Variants in UVRAG observed in about 807,000 individuals in gnomAD.
UVRAG encodes UV radiation resistance associated, also known as UV radiation resistance-associated gene protein.
UVRAG carries 19 observed loss-of-function variants against 78.0 expected under a neutral mutation model. The observed-to-expected ratio is 0.24, with a 90% CI of 0.17 to 0.36. UVRAG has a LOEUF of 0.36. Ranked by LOEUF, UVRAG falls within the 10% of genes least tolerant of loss-of-function variation. UVRAG has a pLI of 1.00. For synonymous variants in UVRAG, 323 were observed against 324.6 expected, an observed-to-expected ratio of 1.00 and a Z score of 0.05; for missense variants, 740 against 853.8, an observed-to-expected ratio of 0.87 and a Z score of 1.66.
chr11:75,878,915 G>A (rs1445275088), intron 3 of UVRAG, among the ~76,000 whole-genome samples: 1 of 88,904 alleles, frequency 1.1e-5, no homozygotes, highest in Non-Finnish European at 2.9e-5. Flanking sequence ...GGGGGAGGGG[G>A]AGGGAGAGGG....
intron 5 of UVRAG, among the ~76,000 whole-genome samples, chr11:75,908,356 A>G (rs1478388656): frequency 1.3e-5 from 2 of 152,132 alleles, no homozygotes; most frequent in Non-Finnish European, 1.5e-5. Flanking sequence ...CCCCTTGGCT[A>G]TTGTAAATAA....
At chr11:75,932,506 G>T (rs545298097) in intron 6 of UVRAG, among the ~76,000 whole-genome samples, 2 of 151,886 alleles carry the variant, frequency 1.3e-5, no homozygotes, top group Non-Finnish European at 2.9e-5. Flanking sequence ...GGATGGTCTC[G>T]ATCTCCTGAG....
chr11:76,137,825 T>G, intron 14 of UVRAG: 1 of 246,324 alleles, frequency 4.1e-6, no homozygotes, highest in Admixed American at 5.0e-5. Context: ...GGAGGATCCC[T>G]TAAGGCCAGG....
In UVRAG at chr11:75,946,934, C is replaced by CT. The variant is rs1375583870; in HGVS notation, c.594-14509dup. Among the ~76,000 whole-genome samples the CT allele has an allele frequency of 3.9e-5, 6 of 152,294 alleles. No individual in the cohort carries two copies. The South Asian group carries it at 6.2e-4, about 16-fold the overall frequency. On this transcript the variant is annotated intron_variant, in intron 6 of 14. Coordinates refer to ENST00000356136, the MANE Select transcript of UVRAG (RefSeq NM_003369.4). ...TCTCAGAGATCTGAAGGCTGGAACT[C>CT]TGAGATCAAGGTGCCAGCATGGTTC... is the stretch of plus-strand genomic sequence containing the variant.
chr11:75,828,807 T>A (rs866308509), intron 1 of UVRAG, among the ~76,000 whole-genome samples: 13 of 131,948 alleles, frequency 9.9e-5, no homozygotes, highest in African/African-American at 2.3e-4. Flanking sequence ...ATATATATAT[T>A]TTTTTTTTTT....
intron 13 of UVRAG, among the ~76,000 whole-genome samples, chr11:76,096,701 G>T (rs1591233522): frequency 6.6e-6 from 1 of 152,146 alleles, no homozygotes; most frequent in African/African-American, 2.4e-5. Flanking sequence ...GCCTAACCAG[G>T]CCTCTTGCTG....
At chr11:76,019,053 G>A (rs746426721) in intron 12 of UVRAG, among the ~76,000 whole-genome samples, 41 of 152,032 alleles carry the variant, frequency 2.7e-4, no homozygotes, top group Non-Finnish European at 4.9e-4. Flanking sequence ...CTCTGACTGA[G>A]CATTTTCAAA....
intron 9 of UVRAG, among the ~76,000 whole-genome samples, chr11:76,006,580 A>G (rs1949944316): frequency 7.1e-6 from 1 of 140,158 alleles, no homozygotes; most frequent in East Asian, 2.4e-4. Context: ...GGATCAGCTG[A>G]GCCCGGGAAG....
chr11:76,002,937 C>G (rs1199463510), intron 8 of UVRAG, among the ~76,000 whole-genome samples: 1 of 151,892 alleles, frequency 6.6e-6, no homozygotes, highest in Non-Finnish European at 1.5e-5. Flanking sequence ...ATTAGTTGGG[C>G]ATTGTGACAT....
At position 75,898,601 on chromosome 11, in the gene UVRAG, G is replaced by A. The variant is rs891075727; in HGVS notation, c.507+9698G>A. ...AACACATCTCTCCCTCTTTATAGAC[G>A]TGCACTTTCTTCGTTATACTACGTC... On this transcript the variant is annotated intron_variant, in intron 5 of 14. Coordinates refer to ENST00000356136, the MANE Select transcript of UVRAG (RefSeq NM_003369.4). Among the ~76,000 whole-genome samples the A allele has an allele frequency of 3.3e-5, 5 of 152,246 alleles. No homozygotes were observed. The South Asian group carries it at 8.3e-4, about 25-fold the overall frequency.
chr11:75,906,229 G>A (rs1019470986), intron 5 of UVRAG, among the ~76,000 whole-genome samples: 5 of 150,520 alleles, frequency 3.3e-5, no homozygotes, highest in Admixed American at 6.6e-5. Flanking sequence ...TGATTTTTTT[G>A]TACTAATGCT....
At chr11:76,056,464 A>T (rs1334584640) in intron 12 of UVRAG, among the ~76,000 whole-genome samples, 1 of 152,146 alleles carries the variant, frequency 6.6e-6, no homozygotes, top group African/African-American at 2.4e-5. Context: ...TTATACTCCC[A>T]CTCAACAATA....
chr11:76,074,897 C>T (rs1399084271), intron 13 of UVRAG, among the ~76,000 whole-genome samples: 4 of 152,074 alleles, frequency 2.6e-5, no homozygotes, highest in Non-Finnish European at 4.4e-5. Flanking sequence ...ACTTCTCTTC[C>T]CCTTCAAGTT....
At chr11:75,855,716 A>G (rs1946274913) in intron 2 of UVRAG, among the ~76,000 whole-genome samples, 1 of 152,222 alleles carries the variant, frequency 6.6e-6, no homozygotes, top group African/African-American at 2.4e-5. Flanking sequence ...GTGTCAGAAG[A>G]CAGTTTTTTA....
chr11:75,898,782 A>C (rs74535972), intron 5 of UVRAG, among the ~76,000 whole-genome samples: 19 of 152,310 alleles, frequency 1.2e-4, no homozygotes, highest in Non-Finnish European at 2.5e-4. Flanking sequence ...TTTCATTTTC[A>C]GGATGAAGAT....
At chr11:76,091,375 G>A (rs768013357) in intron 13 of UVRAG, among the ~76,000 whole-genome samples, 18 of 152,000 alleles carry the variant, frequency 1.2e-4, no homozygotes, top group South Asian at 2.1e-4. Flanking sequence ...TGTTGTGCTC[G>A]GCACTCAATG....
chr11:76,080,552 A>G (rs1951477070), intron 13 of UVRAG, among the ~76,000 whole-genome samples: 1 of 152,120 alleles, frequency 6.6e-6, no homozygotes, highest in Non-Finnish European at 1.5e-5. Context: ...ATCCTAGTGA[A>G]GTTTTTTGAC....
At chr11:76,044,348 A>C (rs1304510511) in intron 12 of UVRAG, among the ~76,000 whole-genome samples, 1 of 152,260 alleles carries the variant, frequency 6.6e-6, no homozygotes, top group Middle Eastern at 3.2e-3. Flanking sequence ...AAAGCCCAGC[A>C]CACAGAGCCT....
intron 6 of UVRAG, among the ~76,000 whole-genome samples, chr11:75,949,691 A>C (rs1233357191): frequency 7.4e-6 from 1 of 135,572 alleles, no homozygotes; most frequent in Admixed American, 7.1e-5. Flanking sequence ...ACAATAAAAT[A>C]CATATATATA....
Sources: allele counts gnomAD v4.1 joint callset (sites outside exome capture counted in the v4.1 genomes callset), GRCh38; gene constraint gnomAD v4.1.1; transcripts MANE v1.5; gene names NCBI Gene and HGNC (gene_info 2026-07-23, HGNC 2026-07-21).